Variants in PDCD1LG2 observed in about 807,000 individuals in gnomAD.
The protein encoded by PDCD1LG2 is programmed cell death 1 ligand 2.
A neutral mutation model predicts 28.2 loss-of-function variants in PDCD1LG2; 32 were observed. That is an observed-to-expected ratio of 1.13 (90% CI 0.86 to 1.52). The LOEUF is 1.52. Among genes scored for constraint, PDCD1LG2 ranks in the 40% most tolerant of loss-of-function variants. The pLI is 0.00. For synonymous variants in PDCD1LG2, 116 were observed against 120.2 expected (o/e 0.97, Z 0.23); for missense variants, 385 against 323.8 (o/e 1.19, Z -1.45).
chr9:5,518,473 G>C (rs964964774), intron 1 of PDCD1LG2, among the ~76,000 whole-genome samples: 1 of 152,244 alleles, frequency 6.6e-6, no homozygotes, highest in Non-Finnish European at 1.5e-5. Flanking sequence ...CTAAAAATAA[G>C]AGTGCTGGCA....
At chr9:5,537,363 A>G (rs566788100) in intron 3 of PDCD1LG2, among the ~76,000 whole-genome samples, 1 of 152,350 alleles carries the variant, frequency 6.6e-6, no homozygotes, top group South Asian at 2.1e-4. Flanking sequence ...AAAGAGAGCC[A>G]TATCCATCTT....
intron 3 of PDCD1LG2, among the ~76,000 whole-genome samples, chr9:5,546,125 G>A (rs1251348638): frequency 2.0e-5 from 3 of 152,132 alleles, no homozygotes; most frequent in African/African-American, 7.2e-5. Flanking sequence ...GATTCTTGTA[G>A]TGGAAGAGCT....
intron 6 of PDCD1LG2, among the ~76,000 whole-genome samples, chr9:5,563,969 T>C (rs1012112474): frequency 1.3e-5 from 2 of 152,190 alleles, no homozygotes; most frequent in Non-Finnish European, 2.9e-5. Context: ...ATCTACAAAA[T>C]ACTTTCACAG....
At chr9:5,542,095 T>C (rs1391165698) in intron 3 of PDCD1LG2, among the ~76,000 whole-genome samples, 4 of 152,160 alleles carry the variant, frequency 2.6e-5, no homozygotes, top group African/African-American at 4.8e-5. Context: ...GTACATCCTA[T>C]TCAACAAACG....
intron 1 of PDCD1LG2, among the ~76,000 whole-genome samples, chr9:5,511,614 A>T (rs1444796053): frequency 3.9e-5 from 6 of 152,248 alleles, no homozygotes; most frequent in African/African-American, 1.2e-4. Flanking sequence ...CAGTGTGAGC[A>T]GTAATGAGAC....
chr9:5,546,460 T>A (rs1003679323), intron 3 of PDCD1LG2, among the ~76,000 whole-genome samples: 2 of 152,208 alleles, frequency 1.3e-5, no homozygotes, highest in African/African-American at 4.8e-5. Context: ...AAGTGAGTAC[T>A]CGAAATACAC....
In PDCD1LG2 at chr9:5,549,360, C is replaced by T. The variant is rs1047139430; in HGVS notation, c.387C>T (p.His129=). Residue 129 remains histidine (H), a synonymous_variant, in exon 4 of 7, where the codon CAC becomes CAT. Coordinates refer to ENST00000397747, the MANE Select transcript of PDCD1LG2 (RefSeq NM_025239.4). ...CTTCCTACAGGAAAATAAACACTCA[C>T]ATCCTAAAGGTTCCAGAAACAGATG... ...VKASYRKINT[H]ILKVPETDEV... 16 of 1,613,750 alleles carry T rather than the reference C, an allele frequency of 9.9e-6. No homozygotes were observed. The highest frequency in any genetic ancestry group is 6.7e-5 in the East Asian group (3 of 44,898).
In PDCD1LG2 at chr9:5,571,241, T is replaced by C. The variant is rs1340473194; in HGVS notation, c.*1282T>C. 4.3e-6 allele frequency: 1 copy of C among 232,010 alleles called. No homozygotes were observed. Among genetic ancestry groups the C allele is most frequent in the East Asian group, 6.1e-5 (1 of 16,416 alleles). 14.4% of individuals were successfully genotyped at this position (232,010 alleles called of 1,614,324 possible). A position where few individuals can be genotyped will look rare whatever the true frequency, so the allele number is the denominator to read the frequency against. Reference sequence around the variant, plus strand: ...AATGCCTTTAAAGAATAAAACTCAATTGTTATTCTTCAACGTTCTTTATAT... The same window carrying C: ...AATGCCTTTAAAGAATAAAACTCAACTGTTATTCTTCAACGTTCTTTATAT... On this transcript the variant is annotated 3_prime_UTR_variant, in exon 7 of 7. Transcript: ENST00000397747.
At chr9:5,563,387 T>C (rs1211875459) in intron 6 of PDCD1LG2, among the ~76,000 whole-genome samples, 176 bp downstream of exon 6, 1 of 152,212 alleles carries the variant, frequency 6.6e-6, no homozygotes, top group Non-Finnish European at 1.5e-5. Context: ...AGAACAATCA[T>C]GCCATCTTTT....
intron 5 of PDCD1LG2, among the ~76,000 whole-genome samples, chr9:5,561,847 C>T (rs990107544): frequency 3.9e-5 from 6 of 152,170 alleles, no homozygotes; most frequent in African/African-American, 1.4e-4. Context: ...ACCAAATATG[C>T]TGGTTTATGG....
intron 4 of PDCD1LG2, among the ~76,000 whole-genome samples, chr9:5,550,616 C>T (rs1816309926): frequency 6.6e-6 from 1 of 152,140 alleles, no homozygotes; most frequent in Admixed American, 6.5e-5. Flanking sequence ...GCATTAATTG[C>T]CTCATGGCCC....
chr9:5,529,755 T>A (rs921571848), intron 2 of PDCD1LG2, among the ~76,000 whole-genome samples: 2 of 152,172 alleles, frequency 1.3e-5, no homozygotes, highest in African/African-American at 4.8e-5. Flanking sequence ...GACCTCAGCC[T>A]AGGTTACTCC....
intron 1 of PDCD1LG2, among the ~76,000 whole-genome samples, chr9:5,515,594 G>C (rs1820141642): frequency 6.6e-6 from 1 of 152,136 alleles, no homozygotes; most frequent in South Asian, 2.1e-4. Flanking sequence ...ACCCACAATG[G>C]ATAGCTCCTT....
intron 2 of PDCD1LG2, among the ~76,000 whole-genome samples, chr9:5,530,249 C>A (rs1462159510): frequency 6.6e-6 from 1 of 152,120 alleles, no homozygotes; most frequent in Non-Finnish European, 1.5e-5. Flanking sequence ...GACCTGCATA[C>A]ATGAATTTTT....
At chr9:5,527,290 CCAAA>C (rs575451228) in intron 2 of PDCD1LG2, among the ~76,000 whole-genome samples, 10 of 152,060 alleles carry the variant, frequency 6.6e-5, no homozygotes, top group Middle Eastern at 3.2e-3. Flanking sequence ...CCATCCCTTG[CCAAA>C]CAAACAAACA....
chr9:5,521,816 T>C (rs947977728), intron 1 of PDCD1LG2, among the ~76,000 whole-genome samples: 3 of 152,172 alleles, frequency 2.0e-5, no homozygotes, highest in African/African-American at 7.2e-5. Context: ...TTTCAGACCA[T>C]TATCAGATTA....
Position 5,557,664 on chromosome 9 carries a change from C to T in PDCD1LG2, c.678C>T (p.Phe226=), listed in dbSNP as rs2129921528. 1 of 1,613,862 alleles carries T rather than the reference C, an allele frequency of 6.2e-7. No individual in the cohort carries two copies. The highest frequency in any genetic ancestry group is 8.5e-7 in the Non-Finnish European group (1 of 1,179,758). The change falls in exon 5 of 7, where the codon TTC becomes TTT. Residue 226 remains phenylalanine (F), a synonymous_variant. Coordinates refer to ENST00000397747, the MANE Select transcript of PDCD1LG2 (RefSeq NM_025239.4). ...ATCCAACTTGGCTGCTTCACATTTT[C>T]ATCCCCTTCTGCATCATTGCTTTCA... The part of the protein sequence containing the change: ...RTHPTWLLHI[F]IPFCIIAFIF...
chr9:5,515,710 G>T (rs527482647), intron 1 of PDCD1LG2, among the ~76,000 whole-genome samples: 2 of 152,030 alleles, frequency 1.3e-5, no homozygotes, highest in East Asian at 3.9e-4. Context: ...GGATCACGAG[G>T]TCAGAGTTCG....
intron 5 of PDCD1LG2, among the ~76,000 whole-genome samples, chr9:5,561,803 G>C (rs1396083802): frequency 6.6e-6 from 1 of 152,162 alleles, no homozygotes; most frequent in East Asian, 1.9e-4. Context: ...CACAGCCCTA[G>C]AAGATTGAGC....
Sources: allele counts gnomAD v4.1 joint callset (sites outside exome capture counted in the v4.1 genomes callset), GRCh38; gene constraint gnomAD v4.1.1; transcripts MANE v1.5; gene names NCBI Gene and HGNC (gene_info 2026-07-23, HGNC 2026-07-21).